The following DOCK4 variants were observed in gnomAD, a reference collection of about 807,000 sequenced individuals.
DOCK4 encodes dedicator of cytokinesis protein 4.
Under a neutral mutation model 268.1 loss-of-function variants are expected in DOCK4, and 97 were observed. That is an observed-to-expected ratio of 0.36 (90% confidence interval 0.31 to 0.43). The LOEUF (loss-of-function observed/expected upper bound fraction) is 0.43. DOCK4 is among the 20% of genes least tolerant of loss of function. The pLI is 1.00. For synonymous variants in DOCK4, 954 were observed against 887.2 expected (o/e 1.08, Z -1.34); for missense variants, 2,145 against 2,455.7 (o/e 0.87, Z 2.67).
chr7:111,893,474 C>T (rs1218398250), intron 16 of DOCK4, among the ~76,000 whole-genome samples: 2 of 152,198 alleles, frequency 1.3e-5, no homozygotes, highest in African/African-American at 2.4e-5. Flanking sequence ...TCTTAGTTAT[C>T]TCAGCCTTAT....
At chr7:111,808,698 G>T (rs1586047309) in intron 30 of DOCK4, 123 bp downstream of exon 30, 2 of 950,240 alleles carry the variant, frequency 2.1e-6, no homozygotes, top group East Asian at 2.6e-5. Flanking sequence ...TTCTATAGAT[G>T]TTTATTGATT....
intron 12 of DOCK4, among the ~76,000 whole-genome samples, chr7:111,928,775 G>C (rs1793946619): frequency 6.6e-6 from 1 of 151,942 alleles, no homozygotes; most frequent in Admixed American, 6.6e-5. Flanking sequence ...TTTTAGTAGA[G>C]ATGGGTTTTC....
At chr7:111,802,887 T>C (rs1377789398) in intron 30 of DOCK4, among the ~76,000 whole-genome samples, 1 of 152,230 alleles carries the variant, frequency 6.6e-6, no homozygotes, top group Non-Finnish European at 1.5e-5. Context: ...TCTAGAGTAC[T>C]TTAAAGCAGG....
Position 112,120,176 on chromosome 7 carries a change from C to T in DOCK4, c.37+85926G>A, listed in dbSNP as rs1372215188. 2.6e-5 allele frequency among the ~76,000 whole-genome samples: 4 copies of T among 152,072 alleles called. No homozygotes were observed. The East Asian group carries it at 7.7e-4, about 29-fold the overall frequency. ...TCACTTAAATTATTACAGAGAATTC[C>T]TAATTAGTCCCCTTGCCTCAAAGCC... On this transcript the variant is annotated intron_variant, in intron 1 of 52. Transcript: ENST00000428084.
Position 111,834,681 on chromosome 7 carries a change from C to T in DOCK4, c.2742G>A (p.Glu914=), listed in dbSNP as rs1290430697. 2 of 1,521,086 alleles carry T rather than the reference C, an allele frequency of 1.3e-6. No individual in the cohort carries two copies. The highest frequency in any genetic ancestry group is 1.3e-5 in the South Asian group (1 of 76,996). 94.2% of individuals were successfully genotyped at this position (1,521,086 alleles called of 1,614,324 possible). A position where few individuals can be genotyped will look rare whatever the true frequency, so the allele number is the denominator to read the frequency against. Residue 914 remains glutamate (E), a synonymous_variant, in exon 26 of 53, where the codon GAG becomes GAA. Coordinates refer to ENST00000428084, the MANE Select transcript of DOCK4 (RefSeq NM_001363540.2). ...ATAGGGACAGGAGACAAGCAACAAACTCCCCCTAAGTTAAAAAAAAAAAAA... is the reference window on the plus strand; with the variant it reads ...ATAGGGACAGGAGACAAGCAACAAATTCCCCCTAAGTTAAAAAAAAAAAAA... ...MRFQFQDVTG[E]FVACLLSLLR...
At chr7:111,839,830 A>C (rs1224300616) in intron 25 of DOCK4, among the ~76,000 whole-genome samples, 1 of 152,018 alleles carries the variant, frequency 6.6e-6, no homozygotes, top group African/African-American at 2.4e-5. Flanking sequence ...TAATTTTTTA[A>C]ATTTTTTATT....
At chr7:111,997,847 G>A (rs1191229804) in intron 4 of DOCK4, among the ~76,000 whole-genome samples, 2 of 152,094 alleles carry the variant, frequency 1.3e-5, no homozygotes, top group Non-Finnish European at 2.9e-5. Flanking sequence ...TTATCCTGCT[G>A]TACCTTATTG....
At chr7:112,044,731 A>G (rs552029989) in intron 1 of DOCK4, among the ~76,000 whole-genome samples, 6 of 151,982 alleles carry the variant, frequency 3.9e-5, no homozygotes, top group South Asian at 2.1e-4. Context: ...TCAGGCCCCA[A>G]ACCTTTTTTT....
At chr7:112,113,642 T>C (rs973887259) in intron 1 of DOCK4, among the ~76,000 whole-genome samples, 1 of 150,378 alleles carries the variant, frequency 6.6e-6, no homozygotes, top group Non-Finnish European at 1.5e-5. Context: ...GGTGCAATCA[T>C]AGCTCATTGC....
At chr7:111,767,435 C>CAGAAT (rs1335436569) in intron 37 of DOCK4, among the ~76,000 whole-genome samples, 1 of 151,918 alleles carries the variant, frequency 6.6e-6, no homozygotes, top group East Asian at 1.9e-4. Flanking sequence ...CCATGTTGGC[C>CAGAAT]AGAATGGTCT....
At chr7:111,840,964 AATT>A (rs1482483921) in intron 25 of DOCK4, 2 of 584,752 alleles carry the variant, frequency 3.4e-6, no homozygotes, top group African/African-American at 1.9e-5. Context: ...CTCGCCATAG[AATT>A]ATTATAACAA....
chr7:111,928,727 A>C (rs1793941222), intron 12 of DOCK4, among the ~76,000 whole-genome samples: 1 of 151,754 alleles, frequency 6.6e-6, no homozygotes, highest in Non-Finnish European at 1.5e-5. Context: ...AGCTGGAATT[A>C]ACAGGCACGT....
At chr7:112,012,242 C>T (rs1364386942) in intron 1 of DOCK4, among the ~76,000 whole-genome samples, 1 of 151,812 alleles carries the variant, frequency 6.6e-6, no homozygotes, top group African/African-American at 2.4e-5. Context: ...TCTGTTATTA[C>T]AGTTTCTTGG....
chr7:111,895,721 G>A lies in DOCK4; in HGVS notation c.1481-3C>T. ...CTTCTTCTCTCCTTTCTCCTTTGCT[G>A]TAAAAAACAAATTACTTGCTTATTT... On this transcript the variant is annotated splice_region_variant and splice_polypyrimidine_tract_variant and intron_variant, in intron 15 of 52. Transcript: ENST00000428084. The A allele has an allele frequency of 6.2e-7, 1 of 1,613,144 alleles. No individual in the cohort carries two copies. Among genetic ancestry groups the A allele is most frequent in the Non-Finnish European group, 8.5e-7 (1 of 1,179,368 alleles).
At chr7:111,947,262 C>T (rs1255737839) in intron 8 of DOCK4, among the ~76,000 whole-genome samples, 1 of 152,168 alleles carries the variant, frequency 6.6e-6, no homozygotes, top group Non-Finnish European at 1.5e-5. Context: ...GAACCATAAA[C>T]AGATCTCTAA....
chr7:111,813,502 G>T (rs1227453014), intron 27 of DOCK4, among the ~76,000 whole-genome samples: 1 of 152,162 alleles, frequency 6.6e-6, no homozygotes, highest in South Asian at 2.1e-4. Flanking sequence ...TAATGAAAAG[G>T]AAACAAGACA....
chr7:111,846,236 T>C (rs1804088437), intron 24 of DOCK4, among the ~76,000 whole-genome samples: 1 of 152,144 alleles, frequency 6.6e-6, no homozygotes. Context: ...ACAGGATTCT[T>C]GGCACTCATT....
Position 111,760,306 on chromosome 7 carries a change from C to T in DOCK4, c.4037G>A (p.Cys1346Tyr). 6.2e-7 allele frequency: 1 copy of T among 1,613,506 alleles called. No individual in the cohort carries two copies. Among genetic ancestry groups the T allele is most frequent in the Non-Finnish European group, 8.5e-7 (1 of 1,179,622 alleles). ...PFFLRNKEFVCRGHDYERLEA... is the reference protein window; with the variant it reads ...PFFLRNKEFVYRGHDYERLEA... The stretch of plus-strand genomic sequence containing the variant: ...CAGCCTCTCGTAGTCATGCCCTCGA[C>T]ACACAAACTCCTTATTCTGGAGATG... The change falls in exon 40 of 53, where the codon TGT becomes TAT. Residue 1346 changes from cysteine to tyrosine, a missense_variant. Cys to Tyr is a radical substitution (Grantham distance 194). Transcript: ENST00000428084.
chr7:111,906,612 A>G (rs1184978311), intron 13 of DOCK4, among the ~76,000 whole-genome samples: 1 of 152,158 alleles, frequency 6.6e-6, no homozygotes, highest in African/African-American at 2.4e-5. Context: ...CCTGGAACCT[A>G]TGAGTATGTT....
Sources: allele counts gnomAD v4.1 joint callset (sites outside exome capture counted in the v4.1 genomes callset), GRCh38; gene constraint gnomAD v4.1.1; transcripts MANE v1.5; gene names NCBI Gene and HGNC (gene_info 2026-07-23, HGNC 2026-07-21).